Variants in TRABD2B observed in about 807,000 individuals in gnomAD.
TRABD2B encodes TraB domain containing 2B.
Under a neutral mutation model 40.1 loss-of-function variants are expected in TRABD2B, and 14 were observed. The ratio of observed to expected loss-of-function variants is 0.35; its 90% CI spans 0.23 to 0.55. The LOEUF (loss-of-function observed/expected upper bound fraction) is 0.55. Among genes scored for constraint, TRABD2B ranks in the 20% least tolerant of loss-of-function variants. The probability of loss-of-function intolerance (pLI) is 0.90; values close to 1 mark genes in which losing one functional copy is unlikely to be tolerated. For synonymous variants in TRABD2B, 263 were observed against 277.0 expected (o/e 0.95, Z 0.50); for missense variants, 541 against 648.6 (o/e 0.83, Z 1.80).
At chr1:47,965,213 G>C (rs1557684237) in intron 2 of TRABD2B, among the ~76,000 whole-genome samples, 1 of 83,316 alleles carries the variant, frequency 1.2e-5, no homozygotes, top group Non-Finnish European at 2.4e-5. Context: ...GGGGGGGGTG[G>C]AGGGGGGGGT....
intron 3 of TRABD2B, among the ~76,000 whole-genome samples, chr1:47,799,312 C>G (rs998265742): frequency 6.6e-6 from 1 of 152,158 alleles, no homozygotes; most frequent in African/African-American, 2.4e-5. Flanking sequence ...GGGGGTCTCC[C>G]TCAGCAGATG....
At chr1:47,800,584 G>T (rs1644809006) in intron 3 of TRABD2B, among the ~76,000 whole-genome samples, 1 of 152,214 alleles carries the variant, frequency 6.6e-6, no homozygotes, top group Non-Finnish European at 1.5e-5. Flanking sequence ...ATAAAAATGG[G>T]AAGTCCACGC....
At chr1:47,895,825 T>C (rs1644510717) in intron 2 of TRABD2B, among the ~76,000 whole-genome samples, 1 of 152,212 alleles carries the variant, frequency 6.6e-6, no homozygotes, top group South Asian at 2.1e-4. Flanking sequence ...GCAGAGATGG[T>C]GCTGGCACAG....
chr1:47,776,113 G>A (rs1440356220), intron 5 of TRABD2B, among the ~76,000 whole-genome samples: 2 of 152,190 alleles, frequency 1.3e-5, no homozygotes, highest in African/African-American at 2.4e-5. Context: ...GCAAAGCACC[G>A]AGAACAGTGT....
At chr1:47,872,489 G>A (rs1259469411) in intron 2 of TRABD2B, among the ~76,000 whole-genome samples, 1 of 152,152 alleles carries the variant, frequency 6.6e-6, no homozygotes, top group Non-Finnish European at 1.5e-5. Context: ...CTAGCAGCCT[G>A]GGGTCCCAAC....
chr1:47,892,369 T>C (rs1644459904), intron 2 of TRABD2B, among the ~76,000 whole-genome samples: 1 of 152,120 alleles, frequency 6.6e-6, no homozygotes, highest in Non-Finnish European at 1.5e-5. Context: ...TGGGAACCCA[T>C]GAGGGGGAGA....
chr1:47,770,583 G>T (rs773763606), intron 6 of TRABD2B, among the ~76,000 whole-genome samples: 2 of 152,202 alleles, frequency 1.3e-5, no homozygotes, highest in African/African-American at 4.8e-5. Context: ...GAGGAAACGG[G>T]ACTTACCAAG....
chr1:47,923,018 T>C (rs749439554), intron 2 of TRABD2B, among the ~76,000 whole-genome samples: 3 of 152,184 alleles, frequency 2.0e-5, no homozygotes, highest in Non-Finnish European at 4.4e-5. Flanking sequence ...CTGCAAGGCA[T>C]GTACACAGCT....
chr1:47,766,697 G>A (rs1033125254), intron 6 of TRABD2B, among the ~76,000 whole-genome samples: 16 of 152,220 alleles, frequency 1.1e-4, no homozygotes, highest in Admixed American at 2.0e-4. Context: ...CAGAGAGGCT[G>A]TGTGGTGGCT....
chr1:47,934,275 C>G (rs1031435597), intron 2 of TRABD2B, among the ~76,000 whole-genome samples: 10 of 152,250 alleles, frequency 6.6e-5, no homozygotes, highest in African/African-American at 2.4e-4. Flanking sequence ...CTAGGCTGAC[C>G]TCACACCTAT....
At chr1:47,914,929 T>G (rs1644810537) in intron 2 of TRABD2B, among the ~76,000 whole-genome samples, 1 of 152,222 alleles carries the variant, frequency 6.6e-6, no homozygotes, top group Non-Finnish European at 1.5e-5. Context: ...GCTCTGGGTA[T>G]AGACCTGGTT....
At chr1:47,975,481 T>G (rs2148431316) in intron 2 of TRABD2B, among the ~76,000 whole-genome samples, 1 of 152,350 alleles carries the variant, frequency 6.6e-6, no homozygotes, top group Admixed American at 6.5e-5. Flanking sequence ...ATCATTACTT[T>G]GTGCACCTGA....
intron 3 of TRABD2B, among the ~76,000 whole-genome samples, chr1:47,795,010 A>G (rs985922919): frequency 1.3e-5 from 2 of 152,122 alleles, no homozygotes; most frequent in African/African-American, 4.8e-5. Context: ...GGCTCAAGCA[A>G]TCCTCCTGCC....
chr1:47,831,956 CA>C (rs140730506), intron 2 of TRABD2B, among the ~76,000 whole-genome samples: 6,679 of 152,168 alleles, frequency 0.044, 332 homozygotes, highest in East Asian at 0.21. Context: ...TGTGATACAG[CA>C]AAAAAACTCC....
chr1:47,803,215 C>T (rs1056703909), intron 2 of TRABD2B, among the ~76,000 whole-genome samples: 1 of 152,222 alleles, frequency 6.6e-6, no homozygotes, highest in Non-Finnish European at 1.5e-5. Flanking sequence ...GGGTGGCAGA[C>T]TGATAGATTA....
chr1:47,986,317 G>C (rs303912), intron 2 of TRABD2B, among the ~76,000 whole-genome samples: 69,930 of 152,052 alleles, frequency 0.46, 17,863 homozygotes, highest in African/African-American at 0.7. Context: ...CTGAGAATTA[G>C]AGAGGCCAAG....
intron 2 of TRABD2B, among the ~76,000 whole-genome samples, chr1:47,888,934 C>T (rs1644408599): frequency 6.6e-6 from 1 of 152,196 alleles, no homozygotes; most frequent in African/African-American, 2.4e-5. Flanking sequence ...TAGCATCACC[C>T]ACCCTAGGTC....
At chr1:47,841,973 G>A (rs964848994) in intron 2 of TRABD2B, among the ~76,000 whole-genome samples, 4 of 151,462 alleles carry the variant, frequency 2.6e-5, no homozygotes, top group African/African-American at 9.7e-5. Flanking sequence ...GGGGTTTCAC[G>A]ACCGTGGCCA....
chr1:47,881,448 A>G (rs1487278847), intron 2 of TRABD2B, among the ~76,000 whole-genome samples: 1 of 152,222 alleles, frequency 6.6e-6, no homozygotes, highest in Non-Finnish European at 1.5e-5. Flanking sequence ...TCTGCTAAGA[A>G]CTTGACATCC....
Sources: allele counts gnomAD v4.1 joint callset (sites outside exome capture counted in the v4.1 genomes callset), GRCh38; gene constraint gnomAD v4.1.1; transcripts MANE v1.5; gene names NCBI Gene and HGNC (gene_info 2026-07-23, HGNC 2026-07-21).